The following ANO10 variants were observed in gnomAD, a reference collection of about 807,000 sequenced individuals.
The protein encoded by ANO10 is anoctamin 10, also known as anoctamin-10.
ANO10 carries 77 observed loss-of-function variants against 74.7 expected under a neutral mutation model. The ratio of observed to expected loss-of-function variants is 1.03; its 90% CI spans 0.86 to 1.25. The LOEUF (loss-of-function observed/expected upper bound fraction) is 1.25, where lower values mean the gene tolerates loss of function less well. Among genes scored for constraint, ANO10 ranks in the 50% most tolerant of loss-of-function variants. The probability of loss-of-function intolerance (pLI) is 0.00; values close to 1 mark genes in which losing one functional copy is unlikely to be tolerated. For missense variants in ANO10, 721 were observed against 778.1 expected (o/e 0.93, Z 0.87); for synonymous variants, 279 against 284.9 (o/e 0.98, Z 0.21).
chr3:43,491,160 C>T (rs1342286345), intron 11 of ANO10, among the ~76,000 whole-genome samples: 4 of 152,134 alleles, frequency 2.6e-5, no homozygotes, highest in African/African-American at 9.7e-5. Flanking sequence ...ATGTGGACAT[C>T]TCACCTCAAG....
intron 11 of ANO10, among the ~76,000 whole-genome samples, chr3:43,457,987 G>A (rs879887144): frequency 8.6e-5 from 13 of 151,924 alleles, no homozygotes; most frequent in African/African-American, 2.9e-4. Flanking sequence ...GTGGGATCTT[G>A]GAATAATCAC....
intron 12 of ANO10, among the ~76,000 whole-genome samples, chr3:43,402,964 C>T (rs979819565): frequency 3.3e-5 from 5 of 152,150 alleles, no homozygotes; most frequent in African/African-American, 1.2e-4. Context: ...GTATTTATTT[C>T]GTCTTAAGGC....
intron 5 of ANO10, among the ~76,000 whole-genome samples, chr3:43,579,371 T>C (rs1349766117): frequency 1.3e-5 from 2 of 152,294 alleles, no homozygotes; most frequent in South Asian, 2.1e-4. Flanking sequence ...TCCTCAAAAA[T>C]AGAAATTTTC....
rs558444891 is a variant in ANO10, at chr3:43,428,457, C to T, written c.1914+4154G>A. Among the ~76,000 whole-genome samples, 91 of 152,198 alleles carry T rather than the reference C, an allele frequency of 6.0e-4. 1 individual carries two copies. The highest frequency in any genetic ancestry group is 1.8e-3 in the African/African-American group (73 of 41,558). On this transcript the variant is annotated intron_variant, in intron 12 of 12. Transcript: ENST00000292246. ...TTTGCAAGGCCCTAAGAGAGCCTGACAACACTCATCATTGCTGTCTGCCCA... is the reference window on the plus strand; with the variant it reads ...TTTGCAAGGCCCTAAGAGAGCCTGATAACACTCATCATTGCTGTCTGCCCA...
At chr3:43,450,252 A>G (rs2074800262) in intron 11 of ANO10, among the ~76,000 whole-genome samples, 2 of 152,158 alleles carry the variant, frequency 1.3e-5, no homozygotes, top group Non-Finnish European at 2.9e-5. Context: ...GTGAAAAATT[A>G]TATATCAGCC....
intron 1 of ANO10, among the ~76,000 whole-genome samples, chr3:43,610,743 G>C (rs1233015462): frequency 6.6e-6 from 1 of 152,188 alleles, no homozygotes; most frequent in Non-Finnish European, 1.5e-5. Flanking sequence ...TTAGTAGATT[G>C]CTGAATTAGA....
chr3:43,436,584 G>A (rs879767831), intron 11 of ANO10, among the ~76,000 whole-genome samples: 1 of 152,110 alleles, frequency 6.6e-6, no homozygotes, highest in Admixed American at 6.6e-5. Context: ...TGATTATAGG[G>A]TGTCTGAGTT....
At chr3:43,579,415 T>G (rs560735708) in intron 5 of ANO10, among the ~76,000 whole-genome samples, 6 of 152,262 alleles carry the variant, frequency 3.9e-5, no homozygotes, top group Middle Eastern at 6.8e-3. Flanking sequence ...TCAAACTAAA[T>G]TCTTATTAAA....
rs865788861 is a variant in ANO10 at position 43,554,305 on chromosome 3, T to C, written c.1668+973A>G. Among the ~76,000 whole-genome samples the C allele has an allele frequency of 3.3e-5, 5 of 152,064 alleles. No homozygotes were observed. The South Asian group carries it at 8.3e-4, about 25-fold the overall frequency. On this transcript the variant is annotated intron_variant, in intron 10 of 12. Transcript: ENST00000292246. The stretch of plus-strand genomic sequence containing the variant: ...GCCTCTCGGCTTCAAGTGATTCTTC[T>C]GCCTCAGCCTCCTGAGTAGCTGGGA...
chr3:43,469,476 C>T (rs1327323137), intron 11 of ANO10, among the ~76,000 whole-genome samples: 1 of 152,190 alleles, frequency 6.6e-6, no homozygotes, highest in East Asian at 1.9e-4. Context: ...TCACTATTCT[C>T]TTTTATAATA....
chr3:43,608,484 C>T (rs1040264706), intron 1 of ANO10, among the ~76,000 whole-genome samples: 8 of 152,126 alleles, frequency 5.3e-5, no homozygotes, highest in Admixed American at 1.3e-4. Context: ...AGGCTCATCT[C>T]GAACTCTTGG....
Position 43,458,486 on chromosome 3 carries a change from T to C in ANO10, c.1798-25759A>G, listed in dbSNP as rs577792158. ...AATTCCTCCACATCCTCCTTTTACT[T>C]ACCATAACAATAAAATATTCTGAAA... On this transcript the variant is annotated intron_variant, in intron 11 of 12. Transcript: ENST00000292246. 3.5e-4 allele frequency among the ~76,000 whole-genome samples: 53 copies of C among 152,328 alleles called. 1 individual carries two copies. Among genetic ancestry groups the C allele is most frequent in the Admixed American group, 3.2e-3 (49 of 15,306 alleles).
chr3:43,605,754 T>C lies in ANO10; in HGVS notation c.99A>G (p.Glu33=), dbSNP rs748344582. Residue 33 remains glutamate, a synonymous_variant, in exon 2 of 13, where the codon GAA becomes GAG. Transcript: ENST00000292246. ...TAGCTATAATTCTGTTTTTCAGCCA[T>C]TCTTTGGTTTCTTCTTTGACATCCT... The part of the protein sequence containing the change: ...LAQDVKEETK[E]WLKNRIIAKK... 17 of 1,613,766 alleles carry C rather than the reference T, an allele frequency of 1.1e-5. No individual in the cohort carries two copies. The South Asian group carries it at 1.6e-4, about 16-fold the overall frequency.
In ANO10 at chr3:43,580,352, C is replaced by T. The variant is rs780415367; in HGVS notation, c.592+1G>A. ...TTAAGAGAACAAGTACTGACACATA[C>T]CTATGGGCTGATACTTCAAAGCAAA... On this transcript the variant is annotated splice_donor_variant, in intron 5 of 12. Transcript: ENST00000292246. LOFTEE classifies it high-confidence loss of function. 1.2e-6 allele frequency: 2 copies of T among 1,613,754 alleles called. No homozygotes were observed. The highest frequency in any genetic ancestry group is 1.3e-5 in the African/African-American group (1 of 75,012).
intron 3 of ANO10, among the ~76,000 whole-genome samples, chr3:43,599,881 G>C (rs2082255911): frequency 6.6e-6 from 1 of 151,670 alleles, no homozygotes. Context: ...ACTCCAGCCT[G>C]GGCGACAGAG....
chr3:43,382,125 C>A (rs546657984), intron 12 of ANO10, among the ~76,000 whole-genome samples: 19 of 152,332 alleles, frequency 1.2e-4, no homozygotes, highest in Non-Finnish European at 2.4e-4. Context: ...ATGCCTACGT[C>A]ACAAAGTCTG....
At chr3:43,583,681 C>T (rs1295554499) in intron 4 of ANO10, among the ~76,000 whole-genome samples, 1 of 152,200 alleles carries the variant, frequency 6.6e-6, no homozygotes, top group African/African-American at 2.4e-5. Context: ...GTGATAAGCA[C>T]AGATGCCCGC....
intron 11 of ANO10, among the ~76,000 whole-genome samples, chr3:43,453,395 G>A (rs1406353857): frequency 2.0e-5 from 3 of 152,030 alleles, no homozygotes; most frequent in African/African-American, 7.2e-5. Flanking sequence ...TAGCCAGGAT[G>A]GTCTCGATCT....
chr3:43,675,160 T>C (rs113806993), intron 1 of ANO10, among the ~76,000 whole-genome samples: 2,167 of 152,240 alleles, frequency 0.014, 55 homozygotes, highest in African/African-American at 0.049. Flanking sequence ...GTTGGAACAA[T>C]TGGATATCCA....
Sources: gnomAD v4.1 joint callset for allele counts (sites outside exome capture counted in the v4.1 genomes callset) on GRCh38, gnomAD v4.1.1 for gene constraint, MANE v1.5 for transcripts, NCBI Gene and HGNC (gene_info 2026-07-23, HGNC 2026-07-21) for gene names.